Variants in KCNH2 observed in about 807,000 individuals in gnomAD.
KCNH2 encodes voltage-gated inwardly rectifying potassium channel KCNH2.
Under a neutral mutation model 95.9 loss-of-function variants are expected in KCNH2, and 35 were observed. The observed-to-expected ratio is 0.37, with a 90% CI of 0.28 to 0.48. KCNH2 has a LOEUF of 0.48. Ranked by LOEUF, KCNH2 falls within the 20% of genes least tolerant of loss-of-function variation. The pLI, the probability that KCNH2 is intolerant of heterozygous loss-of-function variation, is 0.99. For missense variants in KCNH2, 1,274 were observed against 1,702.9 expected, an observed-to-expected ratio of 0.75 and a Z score of 4.43; for synonymous variants, 786 against 754.7, an observed-to-expected ratio of 1.04 and a Z score of -0.68.
At chr7:150,951,234 C>T (rs755537090) in intron 7 of KCNH2, 114 bp from the exon 8 acceptor site, 29 of 1,039,324 alleles carry the variant, frequency 2.8e-5, no homozygotes, top group Non-Finnish European at 4.1e-5. Flanking sequence ...TCGACATGCC[C>T]ACGAGACGCC....
intron 5 of KCNH2, among the ~76,000 whole-genome samples, chr7:150,953,265 A>G (rs1054833783): frequency 1.3e-5 from 2 of 152,206 alleles, no homozygotes; most frequent in African/African-American, 2.4e-5. Context: ...CAACCTGGGC[A>G]GTGGCCCCAG....
chr7:150,947,799 C>T lies in KCNH2; in HGVS notation c.2772G>A (p.Gly924=), dbSNP rs748451039. The T allele has an allele frequency of 6.5e-7, 1 of 1,530,434 alleles. No homozygotes were observed. Among genetic ancestry groups the T allele is most frequent in the South Asian group, 1.2e-5 (1 of 83,012 alleles). 94.8% of individuals were successfully genotyped at this position (1,530,434 alleles called of 1,614,324 possible). Reference sequence around the variant, plus strand: ...TGGACGGGCTCTCCCCCCACGGCCCCCCCGGCCGGCCCCGGCTACTCGGCC... The same window carrying T: ...TGGACGGGCTCTCCCCCCACGGCCCTCCCGGCCGGCCCCGGCTACTCGGCC... ...GAGPSSRGRP[G]GPWGESPSSG... Residue 924 remains glycine, a synonymous_variant, in exon 12 of 15, where the codon GGG becomes GGA. Coordinates refer to ENST00000262186, the MANE Select transcript of KCNH2 (RefSeq NM_000238.4).
intron 2 of KCNH2, among the ~76,000 whole-genome samples, chr7:150,968,310 A>G (rs536496976): frequency 1.3e-5 from 2 of 152,328 alleles, no homozygotes; most frequent in African/African-American, 4.8e-5. Context: ...AAGGATATTC[A>G]CTACAGCCTC....
At chr7:150,956,797 C>G (rs929127114) in intron 5 of KCNH2, among the ~76,000 whole-genome samples, 18 of 152,198 alleles carry the variant, frequency 1.2e-4, no homozygotes, top group African/African-American at 4.3e-4. Flanking sequence ...TGAGGCCCAC[C>G]CTCTGCCTGG....
At chr7:150,974,546 C>G (rs1181119875) in intron 2 of KCNH2, among the ~76,000 whole-genome samples, 165 bp downstream of exon 2, 1 of 151,982 alleles carries the variant, frequency 6.6e-6, no homozygotes, top group Non-Finnish European at 1.5e-5. Context: ...ACAGGCACAC[C>G]GCAGGGCCCC....
At chr7:150,947,559 C>T (rs945447919) in intron 12 of KCNH2, 45 bp from the exon 13 acceptor site, 10 of 1,604,998 alleles carry the variant, frequency 6.2e-6, no homozygotes, top group Non-Finnish European at 8.5e-6. Flanking sequence ...AGACGCACCA[C>T]CGCTGCCACG....
chr7:150,977,187 C>T (rs916135383), intron 1 of KCNH2, among the ~76,000 whole-genome samples: 11 of 152,110 alleles, frequency 7.2e-5, no homozygotes, highest in Admixed American at 2.0e-4. Context: ...TTGGGGGTAC[C>T]ACAGGGAGCT....
rs1318338799 is a variant in KCNH2, at chr7:150,967,115, C to T, written c.308-7379G>A. On this transcript the variant is annotated intron_variant, in intron 2 of 14. Transcript: ENST00000262186. ...CCAACATGGAGAAACCCCGTCTCTA[C>T]TAAAAATACAAAAATTAGCCGGATG... Among the ~76,000 whole-genome samples, 3 of 152,198 alleles carry T rather than the reference C, an allele frequency of 2.0e-5. No individual in the cohort carries two copies. The East Asian group carries it at 5.8e-4, about 29-fold the overall frequency.
chr7:150,962,209 G>C lies in KCNH2; in HGVS notation c.308-2473C>G, dbSNP rs1211744371. Reference sequence around the variant, plus strand: ...ATATGGTGATGGCCGGCAGCGGCCTGAACAGGGATGCGCCTCACCAGGACT... The same window carrying C: ...ATATGGTGATGGCCGGCAGCGGCCTCAACAGGGATGCGCCTCACCAGGACT... On this transcript the variant is annotated intron_variant, in intron 2 of 14. Transcript: ENST00000262186. The surrounding 1 kb of genome is among the most constrained non-coding windows in gnomAD (Gnocchi z 5.7). Among the ~76,000 whole-genome samples the C allele has an allele frequency of 1.3e-5, 2 of 152,212 alleles. No homozygotes were observed. Among genetic ancestry groups the C allele is most frequent in the Non-Finnish European group, 2.9e-5 (2 of 68,030 alleles).
At chr7:150,972,273 A>G (rs998480554) in intron 2 of KCNH2, among the ~76,000 whole-genome samples, 7 of 152,132 alleles carry the variant, frequency 4.6e-5, no homozygotes, top group Non-Finnish European at 1.0e-4. Context: ...AGCTCCCCCT[A>G]CCCGAGGCTG....
At chr7:150,951,266 A>G (rs1801145848) in intron 7 of KCNH2, 146 bp from the exon 8 acceptor site, 1 of 1,000,290 alleles carries the variant, frequency 1.0e-6, no homozygotes, top group Non-Finnish European at 1.5e-6. Flanking sequence ...GCGCTCCAGC[A>G]CACCCCACCC....
rs199473490 is a variant in KCNH2, at chr7:150,974,878, C to T, written c.140G>A (p.Gly47Asp). ...ENCAVIYCND[G>D]FCELCGYSRA... ...CGAGTAGCCGCACAGCTCGCAGAAGCCGTCGTTGCAGTAGATGACGGCGCA... is the reference window on the plus strand; with the variant it reads ...CGAGTAGCCGCACAGCTCGCAGAAGTCGTCGTTGCAGTAGATGACGGCGCA... The change falls in exon 2 of 15, where the codon GGC becomes GAC. Residue 47 changes from glycine to aspartate, a missense_variant. Around this residue, in one of 7 missense-constraint regions of KCNH2, gnomAD observed 85 missense variants for 174.7 expected, o/e 0.49. Coordinates refer to ENST00000262186, the MANE Select transcript of KCNH2 (RefSeq NM_000238.4). 1 of 1,612,098 alleles carries T rather than the reference C, an allele frequency of 6.2e-7. No homozygotes were observed. The highest frequency in any genetic ancestry group is 8.5e-7 in the Non-Finnish European group (1 of 1,179,342).
At chr7:150,968,067 T>C (rs1356748746) in intron 2 of KCNH2, among the ~76,000 whole-genome samples, 1 of 152,186 alleles carries the variant, frequency 6.6e-6, no homozygotes, top group Non-Finnish European at 1.5e-5. Context: ...GGAATGCAAA[T>C]TAAAGCAACA....
rs794728364 is a variant in KCNH2, at chr7:150,957,323, G to A, written c.1096C>T (p.Arg366Ter). 6.3e-7 allele frequency: 1 copy of A among 1,599,040 alleles called. No homozygotes were observed. Among genetic ancestry groups the A allele is most frequent in the Non-Finnish European group, 8.5e-7 (1 of 1,172,842 alleles). ...REIIAPKIKE[R>*]THNVTEKVTQ... is the part of the protein sequence containing the mutation. ...ACCTTCTCAGTGACATTGTGGGTTC[G>A]CTCCTTTATCTTAGGTGCTATGATC... Residue 366 changes from arginine (R) to a stop codon, truncating the protein, a stop_gained, in exon 5 of 15, where the codon CGA (arginine) becomes TGA (stop). Coordinates refer to ENST00000262186, the MANE Select transcript of KCNH2 (RefSeq NM_000238.4). LOFTEE classifies it high-confidence loss of function.
intron 13 of KCNH2, 106 bp downstream of exon 13, chr7:150,947,222 C>A: frequency 8.6e-7 from 1 of 1,159,006 alleles, no homozygotes; most frequent in Non-Finnish European, 1.2e-6. Flanking sequence ...GAAGGGGATC[C>A]AGCTGCTGCA....
intron 9 of KCNH2, 123 bp from the exon 10 acceptor site, chr7:150,949,172 C>T (rs141482050): frequency 1.7e-5 from 19 of 1,122,414 alleles, no homozygotes; most frequent in African/African-American, 4.6e-5. Context: ...GCCTGCCAGC[C>T]GGCCCCCAAC....
intron 7 of KCNH2, 92 bp from the exon 8 acceptor site, chr7:150,951,212 TCA>T (rs1801143430): frequency 1.8e-5 from 22 of 1,194,676 alleles, no homozygotes; most frequent in Non-Finnish European, 2.4e-5. Context: ...GGTCAGTGTC[TCA>T]GTCTCAGCGT....
chr7:150,976,783 C>A (rs1801990956), intron 1 of KCNH2, among the ~76,000 whole-genome samples: 2 of 151,752 alleles, frequency 1.3e-5, no homozygotes, highest in African/African-American at 4.9e-5. Flanking sequence ...CAGCCTCCCC[C>A]TGGGCCCACC....
At chr7:150,948,407 T>TCCCCCCCCCC in intron 11 of KCNH2, 37 bp downstream of exon 11, 1 of 1,219,312 alleles carries the variant, frequency 8.2e-7, no homozygotes, top group Admixed American at 2.0e-5. Context: ...CCTCACCTTG[T>TCCCCCCCCCC]CCCCGCCCTC....
Sources: allele counts gnomAD v4.1 joint callset (sites outside exome capture counted in the v4.1 genomes callset), GRCh38; gene constraint gnomAD v4.1.1; regional missense constraint gnomAD v4.1.1; non-coding constraint Gnocchi (gnomAD v3.1); transcripts MANE v1.5; gene names NCBI Gene and HGNC (gene_info 2026-07-23, HGNC 2026-07-21).